ALCAM: variants seen among roughly 807,000 people sequenced by gnomAD.
ALCAM encodes activated leukocyte cell adhesion molecule.
Under a neutral mutation model 70.9 loss-of-function variants are expected in ALCAM, and 30 were observed. The observed-to-expected ratio is 0.42, with a 90% CI of 0.32 to 0.57. The LOEUF (loss-of-function observed/expected upper bound fraction) is 0.57. Among genes scored for constraint, ALCAM ranks in the 20% least tolerant of loss-of-function variants. The probability of loss-of-function intolerance (pLI) is 0.11; values close to 1 mark genes in which losing one functional copy is unlikely to be tolerated. For synonymous variants in ALCAM, 249 were observed against 242.5 expected (o/e 1.03, Z -0.25); for missense variants, 591 against 695.1 (o/e 0.85, Z 1.68).
chr3:105,384,513 A>G (rs1299405427), intron 1 of ALCAM, among the ~76,000 whole-genome samples: 1 of 151,488 alleles, frequency 6.6e-6, no homozygotes, highest in African/African-American at 2.4e-5. Context: ...GCCAATTCCC[A>G]TATTACCTTC....
At chr3:105,468,675 G>A (rs184760611) in intron 1 of ALCAM, among the ~76,000 whole-genome samples, 71 of 151,218 alleles carry the variant, frequency 4.7e-4, no homozygotes, top group African/African-American at 1.5e-3. Flanking sequence ...CCAAGGCTGC[G>A]CAGGTCCATA....
At chr3:105,481,576 A>G (rs1277642848) in intron 1 of ALCAM, among the ~76,000 whole-genome samples, 3 of 152,184 alleles carry the variant, frequency 2.0e-5, no homozygotes, top group Non-Finnish European at 2.9e-5. Context: ...TTAAATCAGT[A>G]AGTTTTTCTT....
chr3:105,409,136 G>A (rs1191265016), intron 1 of ALCAM, among the ~76,000 whole-genome samples: 2 of 152,022 alleles, frequency 1.3e-5, no homozygotes, highest in Non-Finnish European at 2.9e-5. Context: ...GAAAAACAAT[G>A]TGGAGATTCC....
chr3:105,521,567 A>G (rs770015542), intron 2 of ALCAM, among the ~76,000 whole-genome samples: 1 of 152,168 alleles, frequency 6.6e-6, no homozygotes, highest in Non-Finnish European at 1.5e-5. Flanking sequence ...CAGGTTCCAC[A>G]ATGTGCTCAC....
At chr3:105,417,263 C>G (rs1167463646) in intron 1 of ALCAM, among the ~76,000 whole-genome samples, 1 of 151,718 alleles carries the variant, frequency 6.6e-6, no homozygotes, top group Non-Finnish European at 1.5e-5. Flanking sequence ...CCATTTCACC[C>G]CACTGCTGAC....
At chr3:105,464,511 A>G (rs945297283) in intron 1 of ALCAM, among the ~76,000 whole-genome samples, 1 of 151,336 alleles carries the variant, frequency 6.6e-6, no homozygotes. Flanking sequence ...CTTCATAATT[A>G]TAAGCATATT....
chr3:105,562,053 C>T (rs775972962), intron 14 of ALCAM, among the ~76,000 whole-genome samples: 16 of 152,202 alleles, frequency 1.1e-4, no homozygotes, highest in Non-Finnish European at 1.9e-4. Context: ...TCAAAGTTCC[C>T]TCCCTAAACT....
chr3:105,404,476 G>C (rs1936169724), intron 1 of ALCAM, among the ~76,000 whole-genome samples: 1 of 152,134 alleles, frequency 6.6e-6, no homozygotes. Flanking sequence ...TTTGTATCCA[G>C]TGAAACTAAG....
rs1940538521 is a variant in ALCAM, at chr3:105,557,216, CA to C, written c.1664+4634del. 2.0e-5 allele frequency among the ~76,000 whole-genome samples: 3 copies of C among 152,222 alleles called. No homozygotes were observed. In the South Asian group the frequency reaches 6.2e-4, roughly 32 times the overall value. ...ACTTGTATGAGAAGTCAGACTAATTCAAACGTTGACTTCTCTCTTTTCTCTA... is the reference window on the plus strand; with the variant it reads ...ACTTGTATGAGAAGTCAGACTAATTCAACGTTGACTTCTCTCTTTTCTCTA... On this transcript the variant is annotated intron_variant, in intron 14 of 15. Transcript: ENST00000306107.
chr3:105,403,405 A>G (rs972792209), intron 1 of ALCAM, among the ~76,000 whole-genome samples: 3 of 152,190 alleles, frequency 2.0e-5, no homozygotes, highest in African/African-American at 7.2e-5. Context: ...GGATCACATC[A>G]CAAGACTCAT....
chr3:105,421,536 G>T (rs1936650607), intron 1 of ALCAM, among the ~76,000 whole-genome samples: 1 of 151,288 alleles, frequency 6.6e-6, no homozygotes, highest in African/African-American at 2.4e-5. Context: ...CTTTTCCTCA[G>T]CCTGTTCTAT....
intron 2 of ALCAM, among the ~76,000 whole-genome samples, chr3:105,522,057 A>G (rs1004779831): frequency 1.3e-5 from 2 of 152,192 alleles, no homozygotes; most frequent in Non-Finnish European, 2.9e-5. Flanking sequence ...TGATGATCAT[A>G]GAAAATTCTA....
chr3:105,475,894 A>G (rs1306193992), intron 1 of ALCAM, among the ~76,000 whole-genome samples: 1 of 151,494 alleles, frequency 6.6e-6, no homozygotes, highest in African/African-American at 2.4e-5. Context: ...CAACTCTTCT[A>G]TCACCTTCTT....
intron 1 of ALCAM, among the ~76,000 whole-genome samples, chr3:105,508,309 T>C (rs149167885): frequency 6.6e-6 from 1 of 152,136 alleles, no homozygotes; most frequent in African/African-American, 2.4e-5. Flanking sequence ...CTAATAGTGA[T>C]GAGAATTGGA....
intron 1 of ALCAM, among the ~76,000 whole-genome samples, chr3:105,474,760 A>G (rs1938052877): frequency 6.6e-6 from 1 of 151,778 alleles, no homozygotes; most frequent in African/African-American, 2.4e-5. Context: ...CTATAATTTT[A>G]AATTTAAATG....
In ALCAM at chr3:105,511,614, A is replaced by C. The variant is rs189400025; in HGVS notation, c.74-8453A>C. Among the ~76,000 whole-genome samples, 317 of 152,228 alleles carry C rather than the reference A, an allele frequency of 2.1e-3. 1 individual carries two copies. Among genetic ancestry groups the C allele is most frequent in the Non-Finnish European group, 3.6e-3 (244 of 67,948 alleles). ...CAAATCTAAGTCTCGGAAATCAGCC[A>C]GCAAGCTGCACCAAATATGTGGAAA... On this transcript the variant is annotated intron_variant, in intron 1 of 15. Transcript: ENST00000306107.
At chr3:105,444,829 TAATA>T (rs1290720515) in intron 1 of ALCAM, among the ~76,000 whole-genome samples, 7 of 152,172 alleles carry the variant, frequency 4.6e-5, no homozygotes, top group African/African-American at 1.4e-4. Context: ...TTTTATATGA[TAATA>T]AATAATGACA....
chr3:105,431,349 C>T (rs920328595), intron 1 of ALCAM, among the ~76,000 whole-genome samples: 1 of 152,016 alleles, frequency 6.6e-6, no homozygotes, highest in Non-Finnish European at 1.5e-5. Flanking sequence ...GGAGTGGTCA[C>T]AGGGGGAGTC....
intron 1 of ALCAM, among the ~76,000 whole-genome samples, chr3:105,464,068 C>T (rs999268252): frequency 4.0e-5 from 6 of 151,328 alleles, no homozygotes; most frequent in African/African-American, 1.5e-4. Context: ...ATCTGTCAAC[C>T]TCCAGAGGAC....
Sources: allele counts gnomAD v4.1 joint callset (sites outside exome capture counted in the v4.1 genomes callset), GRCh38; gene constraint gnomAD v4.1.1; transcripts MANE v1.5; gene names NCBI Gene and HGNC (gene_info 2026-07-23, HGNC 2026-07-21).